Variants in GPHN observed in about 807,000 individuals in gnomAD.
GPHN encodes the protein gephyrin.
In GPHN, 17 loss-of-function variants were observed where a neutral mutation model predicts 95.5. The ratio of observed to expected loss-of-function variants is 0.18; its 90% CI spans 0.12 to 0.27. The LOEUF is 0.27. GPHN is among the 10% of genes least tolerant of loss of function. The pLI is 1.00. For synonymous variants in GPHN, 320 were observed against 322.5 expected (o/e 0.99, Z 0.08); for missense variants, 660 against 978.1 (o/e 0.67, Z 4.34).
At chr14:66,630,421 G>C (rs533044841) in intron 1 of GPHN, among the ~76,000 whole-genome samples, 20 of 152,122 alleles carry the variant, frequency 1.3e-4, no homozygotes, top group Non-Finnish European at 2.8e-4. Context: ...AGCAGAAATT[G>C]GAAGAAATAA....
intron 4 of GPHN, among the ~76,000 whole-genome samples, chr14:66,859,262 A>G (rs1383199373): frequency 6.6e-6 from 1 of 152,316 alleles, no homozygotes; most frequent in East Asian, 1.9e-4. Context: ...GGTGATGGCC[A>G]CTGGTGTTTG....
chr14:67,203,975 G>A, the GPHN span, among the ~76,000 whole-genome samples: 1 of 152,186 alleles, frequency 6.6e-6, no homozygotes, highest in Non-Finnish European at 1.5e-5. Context: ...GCCTCCCAAA[G>A]TGCTGGGATT....
Position 67,160,097 on chromosome 14 carries a change from T to G in GPHN, c.1910+609T>G, listed in dbSNP as rs1946017412. On this transcript the variant is annotated intron_variant, in intron 19 of 22. Transcript: ENST00000478722. ...AATGCCTTTTTATAATTGTTTTGTTTGATAAGGATTCCATTAAGGTCGACT... is the reference window on the plus strand; with the variant it reads ...AATGCCTTTTTATAATTGTTTTGTTGGATAAGGATTCCATTAAGGTCGACT... Among the ~76,000 whole-genome samples the G allele has an allele frequency of 2.0e-5, 3 of 152,184 alleles. No homozygotes were observed. In the South Asian group the frequency reaches 6.2e-4, roughly 32 times the overall value.
intron 13 of GPHN, among the ~76,000 whole-genome samples, chr14:67,108,712 GGTGTGTGTGTGTGT>G (rs3063159): frequency 9.1e-5 from 12 of 131,206 alleles, no homozygotes; most frequent in African/African-American, 3.4e-4. Flanking sequence ...TTCCCTAAGG[GGTGTGTGTGTGTGT>G]GTGTGTGTGT....
chr14:66,649,558 C>T (rs2064937614), intron 1 of GPHN, among the ~76,000 whole-genome samples: 1 of 152,080 alleles, frequency 6.6e-6, no homozygotes, highest in Non-Finnish European at 1.5e-5. Context: ...GGAGTGTGAA[C>T]CCTATTGTGA....
chr14:67,198,164 G>T, the GPHN span: 1 of 1,542,622 alleles, frequency 6.5e-7, no homozygotes, highest in South Asian at 1.2e-5. Flanking sequence ...CAAGCGCAAT[G>T]AAGAAGAACA....
chr14:66,851,590 A>G (rs1410658750), intron 4 of GPHN, among the ~76,000 whole-genome samples: 1 of 152,174 alleles, frequency 6.6e-6, no homozygotes, highest in African/African-American at 2.4e-5. Context: ...TAAAGGCACA[A>G]TGGCTGAAAC....
At chr14:67,347,497 T>TCA in the GPHN span, 1 of 1,333,614 alleles carries the variant, frequency 7.5e-7, no homozygotes, top group Non-Finnish European at 9.9e-7. Context: ...ACCTTTAAGT[T>TCA]CTCTCTTTTT....
At chr14:67,730,356 A>G in the GPHN span, among the ~76,000 whole-genome samples, 1 of 152,144 alleles carries the variant, frequency 6.6e-6, no homozygotes, top group Non-Finnish European at 1.5e-5. Context: ...CCAGATTGAG[A>G]TGCACTGTAA....
At chr14:67,381,938 A>G in the GPHN span, among the ~76,000 whole-genome samples, 2 of 152,156 alleles carry the variant, frequency 1.3e-5, no homozygotes, top group African/African-American at 2.4e-5. Flanking sequence ...AGCGATGCCA[A>G]ACCTCCTTTA....
chr14:67,221,762 G>C, the GPHN span: 12 of 1,612,590 alleles, frequency 7.4e-6, no homozygotes, highest in Admixed American at 8.4e-5. Flanking sequence ...TTTGAGATGT[G>C]CTATTTATTT....
chr14:67,318,823 C>T, the GPHN span, among the ~76,000 whole-genome samples: 1 of 152,000 alleles, frequency 6.6e-6, no homozygotes, highest in African/African-American at 2.4e-5. Context: ...TTTGGGAGGC[C>T]GAGGCAGGCG....
At chr14:66,844,126 C>G (rs1247642333) in intron 4 of GPHN, among the ~76,000 whole-genome samples, 1 of 152,052 alleles carries the variant, frequency 6.6e-6, no homozygotes, top group African/African-American at 2.4e-5. Context: ...CTGCTCTGCT[C>G]TATTTTTTCC....
intron 2 of GPHN, among the ~76,000 whole-genome samples, chr14:66,743,332 A>G (rs2072961382): frequency 1.3e-5 from 2 of 152,096 alleles, no homozygotes; most frequent in Non-Finnish European, 2.9e-5. Flanking sequence ...TTACTTTTCA[A>G]GGTAACATAT....
chr14:66,843,342 G>C (rs1006915908), intron 4 of GPHN, among the ~76,000 whole-genome samples: 1 of 152,152 alleles, frequency 6.6e-6, no homozygotes, highest in African/African-American at 2.4e-5. Flanking sequence ...CTGCCTGCCT[G>C]ATCTTGCCCT....
At position 66,713,390 on chromosome 14, in the gene GPHN, G is replaced by T. The variant is rs749457407; in HGVS notation, c.143+32205G>T. ...ATCCTAGCACCATTTCTTGAAAAGG[G>T]TGTCCTTTCCCCACTTTATGTTTTT... On this transcript the variant is annotated intron_variant, in intron 2 of 22. Transcript: ENST00000478722. 2.0e-5 allele frequency among the ~76,000 whole-genome samples: 3 copies of T among 152,236 alleles called. No homozygotes were observed. In the South Asian group the frequency reaches 6.2e-4, roughly 32 times the overall value.
chr14:67,148,844 G>C (rs1781711903), intron 18 of GPHN, among the ~76,000 whole-genome samples: 1 of 151,558 alleles, frequency 6.6e-6, no homozygotes. Context: ...GGGATTACAG[G>C]CGTGAGCCAC....
At chr14:67,638,706 C>T in the GPHN span, among the ~76,000 whole-genome samples, 4 of 152,300 alleles carry the variant, frequency 2.6e-5, 1 homozygote, top group South Asian at 4.1e-4. Context: ...CAGGCAGGGC[C>T]TCTCAAGGTA....
the GPHN span, among the ~76,000 whole-genome samples, chr14:67,505,983 A>G: frequency 6.6e-6 from 1 of 152,100 alleles, no homozygotes; most frequent in East Asian, 1.9e-4. Context: ...TACAGGTGTG[A>G]GCCACCTCAC....
Sources: allele counts gnomAD v4.1 joint callset (sites outside exome capture counted in the v4.1 genomes callset), GRCh38; gene constraint gnomAD v4.1.1; transcripts MANE v1.5; gene names NCBI Gene and HGNC (gene_info 2026-07-23, HGNC 2026-07-21).